ANK1: variants seen among roughly 807,000 people sequenced by gnomAD.
ANK1 encodes ankyrin 1, also known as ankyrin-1.
ANK1 carries 51 observed loss-of-function variants against 210.4 expected under a neutral mutation model. The observed-to-expected ratio is 0.24, with a 90% CI of 0.19 to 0.31. The LOEUF is 0.31. Among genes scored for constraint, ANK1 ranks in the 10% least tolerant of loss-of-function variants. The pLI, the probability that ANK1 is intolerant of heterozygous loss-of-function variation, is 1.00. For synonymous variants in ANK1, 967 were observed against 1,025.9 expected (o/e 0.94, Z 1.10); for missense variants, 2,051 against 2,504.4 (o/e 0.82, Z 3.86).
intron 1 of ANK1, among the ~76,000 whole-genome samples, chr8:41,770,996 C>T (rs781023557): frequency 2.6e-5 from 4 of 152,220 alleles, no homozygotes; most frequent in Non-Finnish European, 5.9e-5. Flanking sequence ...CTCTCCCTTG[C>T]TTTCCCCACC....
chr8:41,664,724 G>A (rs1809795510), intron 39 of ANK1: 1 of 1,388,198 alleles, frequency 7.2e-7, no homozygotes, highest in Admixed American at 2.0e-5. Flanking sequence ...TGGGTCCGGA[G>A]CTCCCCACAG....
At chr8:41,811,892 G>GAC (rs1360021633) in intron 1 of ANK1, among the ~76,000 whole-genome samples, 1 of 152,200 alleles carries the variant, frequency 6.6e-6, no homozygotes, top group Non-Finnish European at 1.5e-5. Flanking sequence ...AGGTGGTGAT[G>GAC]ACATACCTGT....
chr8:41,868,914 G>A (rs979196935), intron 1 of ANK1, among the ~76,000 whole-genome samples: 5 of 152,156 alleles, frequency 3.3e-5, no homozygotes, highest in South Asian at 4.1e-4. Context: ...AGGCTCAGAC[G>A]GGGAGAAGGA....
intron 1 of ANK1, among the ~76,000 whole-genome samples, chr8:41,774,625 C>T (rs775235193): frequency 9.9e-5 from 15 of 152,250 alleles, no homozygotes; most frequent in Non-Finnish European, 1.8e-4. Context: ...ATTGTTTCCT[C>T]AGTCCCAAGG....
chr8:41,690,626 C>G (rs1332594895), intron 31 of ANK1, 27 bp from the exon 32 acceptor site: 1 of 1,607,494 alleles, frequency 6.2e-7, no homozygotes, highest in Non-Finnish European at 8.5e-7. Flanking sequence ...GCAGATACAG[C>G]TTGTCAGGGA....
chr8:41,766,333 T>C (rs1841780221), intron 1 of ANK1, among the ~76,000 whole-genome samples: 1 of 152,206 alleles, frequency 6.6e-6, no homozygotes, highest in Admixed American at 6.5e-5. Flanking sequence ...CCCTTGACGA[T>C]GGAGAAACAG....
At chr8:41,859,487 C>T (rs970481881) in intron 1 of ANK1, among the ~76,000 whole-genome samples, 1 of 152,198 alleles carries the variant, frequency 6.6e-6, no homozygotes, top group South Asian at 2.1e-4. Flanking sequence ...GCTGGGATCA[C>T]AGGCACACAC....
At chr8:41,787,731 C>T (rs142787225) in intron 1 of ANK1, among the ~76,000 whole-genome samples, 99 of 152,260 alleles carry the variant, frequency 6.5e-4, no homozygotes, top group African/African-American at 1.9e-3. Context: ...AGGAGGATAA[C>T]TTGAGCCCAG....
In ANK1 at chr8:41,653,359, T is replaced by G. The variant is rs1804697038; in HGVS notation, c.*2431A>C. 1 of 152,642 alleles carries G rather than the reference T, an allele frequency of 6.6e-6. No homozygotes were observed. Among genetic ancestry groups the G allele is most frequent in the Non-Finnish European group, 1.5e-5 (1 of 68,052 alleles). 9.5% of individuals were successfully genotyped at this position (152,642 alleles called of 1,614,324 possible). ...GGGAGAGTCAAGAAAAGATCCATTT[T>G]CATAACAATTAAAAAAATCAAGGTA... On this transcript the variant is annotated 3_prime_UTR_variant, in exon 43 of 43. Coordinates refer to ENST00000289734, the MANE Select transcript of ANK1 (RefSeq NM_000037.4).
chr8:41,721,435 T>A (rs926885244), intron 9 of ANK1, among the ~76,000 whole-genome samples: 51 of 152,140 alleles, frequency 3.4e-4, no homozygotes, highest in Middle Eastern at 3.4e-3. Context: ...GGTGGGCAGA[T>A]CACTTGAGGC....
intron 1 of ANK1, among the ~76,000 whole-genome samples, chr8:41,773,057 C>A (rs993183161): frequency 7.0e-6 from 1 of 142,760 alleles, no homozygotes; most frequent in Admixed American, 7.0e-5. Context: ...CCAGCCTGAC[C>A]CCCCCTAAAC....
intron 15 of ANK1, among the ~76,000 whole-genome samples, chr8:41,714,723 C>T (rs921138495): frequency 3.3e-5 from 5 of 151,862 alleles, no homozygotes; most frequent in African/African-American, 7.3e-5. Flanking sequence ...TAGCCGGGCA[C>T]GGTGGCAACT....
intron 39 of ANK1, chr8:41,664,874 C>T (rs1809895485): frequency 6.2e-7 from 1 of 1,614,002 alleles, no homozygotes; most frequent in Non-Finnish European, 8.5e-7. Context: ...GGCCCTCGCT[C>T]TCCCCCAGCT....
intron 1 of ANK1, among the ~76,000 whole-genome samples, chr8:41,778,368 G>T (rs529707127): frequency 6.6e-6 from 1 of 152,340 alleles, no homozygotes; most frequent in East Asian, 1.9e-4. Flanking sequence ...GAGTGGCTGA[G>T]ATCAGAGAGG....
At chr8:41,673,428 C>G (rs1233502938) in intron 37 of ANK1, among the ~76,000 whole-genome samples, 1 of 152,124 alleles carries the variant, frequency 6.6e-6, no homozygotes, top group Non-Finnish European at 1.5e-5. Flanking sequence ...CCAGGCTGCC[C>G]TTGAGGGGCC....
In ANK1 at chr8:41,715,646, C is replaced by G; in HGVS notation, c.1602+6G>C. The G allele has an allele frequency of 1.2e-6, 2 of 1,612,872 alleles. No individual in the cohort carries two copies. Among genetic ancestry groups the G allele is most frequent in the Non-Finnish European group, 1.7e-6 (2 of 1,179,918 alleles). ...CTTCCTTAGACCACGAGGCGGGAGG[C>G]TGTACCTTGGTCATGCAGGCCTGGG... On this transcript the variant is annotated splice_donor_region_variant and intron_variant, in intron 14 of 42. Transcript: ENST00000289734.
chr8:41,838,878 A>C (rs1808333415), intron 1 of ANK1, among the ~76,000 whole-genome samples: 1 of 152,008 alleles, frequency 6.6e-6, no homozygotes. Context: ...GGAGTTCAAG[A>C]CCAGCCTGGC....
At chr8:41,854,739 A>C (rs543764603) in intron 1 of ANK1, among the ~76,000 whole-genome samples, 1 of 152,280 alleles carries the variant, frequency 6.6e-6, no homozygotes, top group South Asian at 2.1e-4. Context: ...CAGGAGTTTG[A>C]GACTGGCCTG....
intron 2 of ANK1, among the ~76,000 whole-genome samples, chr8:41,748,372 A>G (rs899271670): frequency 6.6e-6 from 1 of 152,314 alleles, no homozygotes; most frequent in East Asian, 1.9e-4. Flanking sequence ...GCCTGTCAAC[A>G]GTTCCTAAGA....
Sources: allele counts gnomAD v4.1 joint callset (sites outside exome capture counted in the v4.1 genomes callset), GRCh38; gene constraint gnomAD v4.1.1; transcripts MANE v1.5; gene names NCBI Gene and HGNC (gene_info 2026-07-23, HGNC 2026-07-21).